Variants in TNKS observed in about 807,000 individuals in gnomAD.
The protein encoded by TNKS is poly [ADP-ribose] polymerase tankyrase-1.
A neutral mutation model predicts 135.8 loss-of-function variants in TNKS; 72 were observed. The observed-to-expected ratio is 0.53, with a 90% CI of 0.44 to 0.64. The LOEUF (loss-of-function observed/expected upper bound fraction) is 0.64, where lower values mean the gene tolerates loss of function less well. TNKS is among the 30% of genes least tolerant of loss of function. The pLI is 0.00. For synonymous variants in TNKS, 849 were observed against 649.3 expected (o/e 1.31, Z -4.68); for missense variants, 1,769 against 1,674.0 (o/e 1.06, Z -0.99).
At chr8:9,728,828 C>T (rs183472536) in intron 13 of TNKS, among the ~76,000 whole-genome samples, 1 of 152,232 alleles carries the variant, frequency 6.6e-6, no homozygotes, top group Admixed American at 6.5e-5. Context: ...TGTGAACTCG[C>T]CTTTACTGCC....
chr8:9,698,947 T>G (rs1336344777), intron 5 of TNKS, among the ~76,000 whole-genome samples: 2 of 152,226 alleles, frequency 1.3e-5, no homozygotes, highest in Admixed American at 1.3e-4. Context: ...GTGATAAGAT[T>G]TATCTTACAG....
At chr8:9,657,660 C>T (rs1381690974) in intron 3 of TNKS, among the ~76,000 whole-genome samples, 1 of 84,914 alleles carries the variant, frequency 1.2e-5, no homozygotes, top group Non-Finnish European at 2.5e-5. Flanking sequence ...GGCTGACCCC[C>T]CCATCTCCCT....
intron 3 of TNKS, among the ~76,000 whole-genome samples, chr8:9,648,411 T>G (rs74301624): frequency 0.071 from 10,765 of 152,222 alleles, 421 homozygotes; most frequent in South Asian, 0.17. Flanking sequence ...CTTTTTAAAC[T>G]TTTTTTGTTA....
At chr8:9,581,421 A>G (rs1398035028) in intron 2 of TNKS, among the ~76,000 whole-genome samples, 1 of 151,976 alleles carries the variant, frequency 6.6e-6, no homozygotes, top group African/African-American at 2.4e-5. Context: ...GTTTCAACTG[A>G]CTCTCCCATT....
chr8:9,723,146 T>A (rs962930402), intron 12 of TNKS, among the ~76,000 whole-genome samples: 2 of 108,634 alleles, frequency 1.8e-5, no homozygotes, highest in African/African-American at 6.3e-5. Flanking sequence ...AATTTTGCCC[T>A]CCAAAAGGTT....
chr8:9,577,485 A>G (rs890407392), intron 1 of TNKS, among the ~76,000 whole-genome samples: 15 of 152,296 alleles, frequency 9.8e-5, no homozygotes, highest in African/African-American at 3.4e-4. Flanking sequence ...GGAAATTCAC[A>G]GTCGTGACGG....
chr8:9,734,542 C>G (rs1805594041), intron 15 of TNKS, among the ~76,000 whole-genome samples: 1 of 152,084 alleles, frequency 6.6e-6, no homozygotes, highest in African/African-American at 2.4e-5. Flanking sequence ...AACATCCATG[C>G]TATTCTTCAA....
chr8:9,569,932 C>G (rs1225806167), intron 1 of TNKS, among the ~76,000 whole-genome samples: 1 of 151,946 alleles, frequency 6.6e-6, no homozygotes, highest in African/African-American at 2.4e-5. Context: ...ATAAACTTTT[C>G]AAATCTATTG....
intron 5 of TNKS, among the ~76,000 whole-genome samples, chr8:9,682,297 C>G (rs1308854630): frequency 1.3e-5 from 2 of 152,084 alleles, no homozygotes; most frequent in Non-Finnish European, 2.9e-5. Context: ...ATTTCTACAG[C>G]CGGAGTCGAT....
intron 15 of TNKS, among the ~76,000 whole-genome samples, 189 bp from the exon 16 acceptor site, chr8:9,734,676 T>G (rs972673826): frequency 6.6e-6 from 1 of 152,236 alleles, no homozygotes; most frequent in Non-Finnish European, 1.5e-5. Context: ...TTTGACTGTA[T>G]AGTATTAATA....
intron 26 of TNKS, among the ~76,000 whole-genome samples, chr8:9,771,002 G>A (rs893691381): frequency 4.6e-5 from 7 of 152,050 alleles, no homozygotes; most frequent in Non-Finnish European, 1.0e-4. Flanking sequence ...AGACTCTAAG[G>A]GTGGACTGAA....
At chr8:9,600,584 A>T (rs1012187212) in intron 2 of TNKS, among the ~76,000 whole-genome samples, 3 of 152,096 alleles carry the variant, frequency 2.0e-5, no homozygotes, top group Admixed American at 1.3e-4. Flanking sequence ...AAATGGTAGG[A>T]TTTCAGAGGC....
chr8:9,625,806 A>G (rs1197528497), intron 3 of TNKS, among the ~76,000 whole-genome samples: 3 of 152,186 alleles, frequency 2.0e-5, no homozygotes, highest in African/African-American at 7.2e-5. Context: ...AAGGTAGGAC[A>G]AAGTTCATGG....
At chr8:9,672,831 C>G (rs1391789082) in intron 3 of TNKS, among the ~76,000 whole-genome samples, 1 of 151,912 alleles carries the variant, frequency 6.6e-6, no homozygotes. Flanking sequence ...CACATAGCAT[C>G]ATAACCTGCC....
intron 2 of TNKS, among the ~76,000 whole-genome samples, chr8:9,597,111 G>T (rs1004233046): frequency 6.6e-6 from 1 of 152,250 alleles, no homozygotes; most frequent in Admixed American, 6.5e-5. Flanking sequence ...GCAAATAAGT[G>T]CTTGGCTTTA....
chr8:9,616,686 A>G (rs1799657363), intron 3 of TNKS, among the ~76,000 whole-genome samples: 1 of 152,220 alleles, frequency 6.6e-6, no homozygotes, highest in Non-Finnish European at 1.5e-5. Context: ...ACAACTTTGC[A>G]CTGTGCTAAA....
In TNKS at chr8:9,779,689, G is replaced by A. The variant is rs977292828; in HGVS notation, c.*2953G>A. 6.6e-6 allele frequency: 1 copy of A among 152,182 alleles called. No individual in the cohort carries two copies. The highest frequency in any genetic ancestry group is 3.2e-3 in the Middle Eastern group (1 of 316). The allele number at this position is 152,182 out of a possible 1,614,324, so 9.4% of individuals were successfully genotyped here. On this transcript the variant is annotated 3_prime_UTR_variant, in exon 27 of 27. Coordinates refer to ENST00000310430, the MANE Select transcript of TNKS (RefSeq NM_003747.3). Reference sequence around the variant, plus strand: ...CCTCATCTTGGGTCTTAAAAAAGGAGACCAGATACCTCCTAGCTTTTGTAT... The same window carrying A: ...CCTCATCTTGGGTCTTAAAAAAGGAAACCAGATACCTCCTAGCTTTTGTAT...
chr8:9,569,580 T>C (rs566627723), intron 1 of TNKS, among the ~76,000 whole-genome samples: 24 of 152,366 alleles, frequency 1.6e-4, no homozygotes, highest in African/African-American at 5.5e-4. Context: ...CCCATTCTAC[T>C]GTTGAGTATT....
intron 20 of TNKS, among the ~76,000 whole-genome samples, chr8:9,758,250 G>T (rs898273602): frequency 1.3e-5 from 2 of 152,160 alleles, no homozygotes; most frequent in African/African-American, 4.8e-5. Flanking sequence ...ATGATGAATG[G>T]TTGGATGGAA....
Sources: gnomAD v4.1 joint callset for allele counts (sites outside exome capture counted in the v4.1 genomes callset) on GRCh38, gnomAD v4.1.1 for gene constraint, MANE v1.5 for transcripts, NCBI Gene and HGNC (gene_info 2026-07-23, HGNC 2026-07-21) for gene names.